Variants in TRPC5 observed in about 807,000 individuals in gnomAD.
TRPC5 encodes the protein transient receptor potential cation channel subfamily C member 5.
In TRPC5, 9 loss-of-function variants were observed where a neutral mutation model predicts 56.5. The ratio of observed to expected loss-of-function variants is 0.16; its 90% CI spans 0.10 to 0.28. The LOEUF is 0.28. TRPC5 is among the 10% of genes least tolerant of loss of function. TRPC5 has a pLI of 1.00. For missense variants in TRPC5, 469 were observed against 748.9 expected (o/e 0.63, Z 4.36); for synonymous variants, 282 against 278.5 (o/e 1.01, Z -0.13).
intron 1 of TRPC5, among the ~76,000 whole-genome samples, chrX:111,983,135 A>C (rs1194134334): frequency 9.0e-6 from 1 of 111,731 alleles, no homozygotes; most frequent in Non-Finnish European, 1.9e-5. Context: ...TTGATCAAAA[A>C]TAATGCTGTG....
At chrX:112,019,595 C>G (rs1929218499) in intron 1 of TRPC5, among the ~76,000 whole-genome samples, 1 of 111,296 alleles carries the variant, frequency 9.0e-6, no homozygotes, top group South Asian at 3.8e-4. Context: ...ACCACCACAC[C>G]CGGCTAATTT....
In TRPC5 at chrX:112,010,680, T is replaced by TA. The variant is rs201551952; in HGVS notation, c.-21-58240dup. Among the ~76,000 whole-genome samples the TA allele has an allele frequency of 3.0e-3, 330 of 111,777 alleles. 5 individuals carry two copies. In the East Asian group the frequency reaches 0.07, roughly 24 times the overall value. The stretch of plus-strand genomic sequence containing the variant: ...TAAAAATGATAAATGATATAAATGA[T>TA]AAAAAATGGTATGTCTGTATAAGGC... On this transcript the variant is annotated intron_variant, in intron 1 of 10. Coordinates refer to ENST00000262839, the MANE Select transcript of TRPC5 (RefSeq NM_012471.3).
At chrX:112,010,817 A>T (rs1364895888) in intron 1 of TRPC5, among the ~76,000 whole-genome samples, 2 of 111,759 alleles carry the variant, frequency 1.8e-5, no homozygotes, top group East Asian at 5.6e-4. Context: ...AGGATAATAA[A>T]TGAGTTGATA....
chrX:112,025,226 TA>T (rs1444196062), intron 1 of TRPC5, among the ~76,000 whole-genome samples: 1 of 112,321 alleles, frequency 8.9e-6, no homozygotes, highest in African/African-American at 3.2e-5. Context: ...AAACGCACTG[TA>T]AATAATGGTA....
chrX:111,832,389 C>G (rs1433440267), intron 7 of TRPC5, among the ~76,000 whole-genome samples: 2 of 112,286 alleles, frequency 1.8e-5, no homozygotes, highest in Non-Finnish European at 3.8e-5. Context: ...CAGTCCCTAC[C>G]TAGACTGAAT....
chrX:111,899,435 A>T (rs1291951064), intron 3 of TRPC5, among the ~76,000 whole-genome samples: 1 of 111,758 alleles, frequency 8.9e-6, no homozygotes, highest in Non-Finnish European at 1.9e-5. Context: ...ACAAGAAAAG[A>T]TGATGGAAAA....
chrX:112,063,901 C>T, intron 1 of TRPC5, among the ~76,000 whole-genome samples: 1 of 111,715 alleles, frequency 9.0e-6, no homozygotes, highest in Non-Finnish European at 1.9e-5. Context: ...ACGCCATTTT[C>T]CTGCCTTGGC....
In TRPC5 at chrX:111,908,977, CT is replaced by C. The variant is rs1306946859; in HGVS notation, c.900+3313del. On this transcript the variant is annotated intron_variant, in intron 3 of 10. Transcript: ENST00000262839. ...ACCAGCCTAGGCAACATAGTGAGAC[CT>C]TGTCTCCAAAAATAATAAAAATAGG... Among the ~76,000 whole-genome samples the C allele has an allele frequency of 9.1e-4, 100 of 109,750 alleles. 1 individual carries two copies. The highest frequency in any genetic ancestry group is 6.1e-4 in the Non-Finnish European group (32 of 52,682).
chrX:111,961,533 G>T (rs1927380478), intron 1 of TRPC5, among the ~76,000 whole-genome samples: 1 of 111,908 alleles, frequency 8.9e-6, no homozygotes. Context: ...CTACTAAAAT[G>T]GCTACATAAT....
At chrX:111,821,682 A>G (rs975389907) in intron 7 of TRPC5, among the ~76,000 whole-genome samples, 11 of 112,286 alleles carry the variant, frequency 9.8e-5, no homozygotes, top group South Asian at 7.5e-4. Context: ...TAAAGTTTCT[A>G]TCTCTTAGCT....
Position 111,779,036 on chromosome X carries a change from A to G in TRPC5, c.2181T>C (p.Ala727=), listed in dbSNP as rs867179451. The stretch of plus-strand genomic sequence containing the variant: ...CATGTGTTTTGGAATTTCTTATCAT[A>G]GCAGCCACATATCTTTTGACTAAAT... ...IRNLVKRYVA[A]MIRNSKTHEG... Residue 727 remains alanine (A), a synonymous_variant, in exon 10 of 11, where the codon GCT becomes GCC. Coordinates refer to ENST00000262839, the MANE Select transcript of TRPC5 (RefSeq NM_012471.3). 3 of 1,205,422 alleles carry G rather than the reference A, an allele frequency of 2.5e-6. No individual in the cohort carries two copies. Among genetic ancestry groups the G allele is most frequent in the Non-Finnish European group, 3.4e-6 (3 of 892,416 alleles).
intron 1 of TRPC5, among the ~76,000 whole-genome samples, chrX:112,068,112 C>G (rs1930631485): frequency 8.9e-6 from 1 of 112,060 alleles, no homozygotes; most frequent in Non-Finnish European, 1.9e-5. Flanking sequence ...AGGAATGTCT[C>G]TTCTGTCTGT....
chrX:112,073,962 C>G (rs1279127539), intron 1 of TRPC5, among the ~76,000 whole-genome samples: 2 of 111,892 alleles, frequency 1.8e-5, no homozygotes, highest in African/African-American at 3.3e-5. Context: ...AAGTGCACCA[C>G]TACAGTAACA....
intron 1 of TRPC5, among the ~76,000 whole-genome samples, chrX:112,058,790 TA>T (rs982567481): frequency 8.9e-6 from 1 of 111,982 alleles, no homozygotes; most frequent in African/African-American, 3.2e-5. Flanking sequence ...GAAAGCATTT[TA>T]ATAATCTTTT....
At chrX:111,874,961 T>C (rs1923877335) in intron 3 of TRPC5, among the ~76,000 whole-genome samples, 1 of 112,396 alleles carries the variant, frequency 8.9e-6, no homozygotes, top group Non-Finnish European at 1.9e-5. Flanking sequence ...TAATACTACA[T>C]AGTCTCTGGT....
chrX:111,908,305 T>C (rs1399404858), intron 3 of TRPC5, among the ~76,000 whole-genome samples: 3 of 111,792 alleles, frequency 2.7e-5, no homozygotes, highest in African/African-American at 6.5e-5. Flanking sequence ...CTTTAAGATA[T>C]ATATGATTTC....
At chrX:111,989,964 G>C (rs73548124) in intron 1 of TRPC5, among the ~76,000 whole-genome samples, 2 of 111,912 alleles carry the variant, frequency 1.8e-5, no homozygotes, top group Non-Finnish European at 3.8e-5. Context: ...GCACAAGAAG[G>C]TTTCTTGGAT....
chrX:111,980,633 CAA>C (rs1928052441), intron 1 of TRPC5, among the ~76,000 whole-genome samples: 1 of 110,103 alleles, frequency 9.1e-6, no homozygotes, highest in Non-Finnish European at 1.9e-5. Flanking sequence ...ATAAAAATAT[CAA>C]CCAATGTTCA....
intron 6 of TRPC5, among the ~76,000 whole-genome samples, chrX:111,836,683 G>T (rs143458406): frequency 8.9e-6 from 1 of 112,129 alleles, no homozygotes; most frequent in Non-Finnish European, 1.9e-5. Context: ...GTTATTTTCC[G>T]TCCCTCTCTA....
Sources: gnomAD v4.1 joint callset for allele counts (sites outside exome capture counted in the v4.1 genomes callset) on GRCh38, gnomAD v4.1.1 for gene constraint, MANE v1.5 for transcripts, NCBI Gene and HGNC (gene_info 2026-07-23, HGNC 2026-07-21) for gene names.